The following AGL variants were observed in gnomAD, a reference collection of about 807,000 sequenced individuals.
The protein encoded by AGL is amylo-alpha-1,6-glucosidase and 4-alpha-glucanotransferase.
In AGL, 128 loss-of-function variants were observed where a neutral mutation model predicts 199.3. That is an observed-to-expected ratio of 0.64 (90% CI 0.56 to 0.74). The LOEUF is 0.74. Ranked by LOEUF, AGL falls within the 30% of genes least tolerant of loss-of-function variation. AGL has a pLI of 0.00. For synonymous variants in AGL, 584 were observed against 594.7 expected (o/e 0.98, Z 0.26); for missense variants, 1,809 against 1,820.8 (o/e 0.99, Z 0.12).
At chr1:99,903,185 G>A (rs551516146) in intron 27 of AGL, among the ~76,000 whole-genome samples, 2 of 152,078 alleles carry the variant, frequency 1.3e-5, no homozygotes, top group Admixed American at 1.3e-4. Flanking sequence ...GGTGCACAAC[G>A]TGCAGGTTTG....
At chr1:99,903,278 C>G (rs1022986058) in intron 27 of AGL, among the ~76,000 whole-genome samples, 33 of 152,144 alleles carry the variant, frequency 2.2e-4, no homozygotes, top group African/African-American at 7.2e-4. Flanking sequence ...AATGCTATCC[C>G]TCCCCCATCC....
At chr1:99,862,899 T>A (rs755929289) in intron 4 of AGL, among the ~76,000 whole-genome samples, 8 of 152,122 alleles carry the variant, frequency 5.3e-5, no homozygotes, top group African/African-American at 1.9e-4. Flanking sequence ...ATGTTTAATT[T>A]TGTTTCTTAT....
chr1:99,906,457 T>G (rs989248428), intron 27 of AGL, among the ~76,000 whole-genome samples: 9 of 152,198 alleles, frequency 5.9e-5, no homozygotes, highest in African/African-American at 1.9e-4. Context: ...ATATTAACAT[T>G]GTTGTGGAAC....
intron 7 of AGL, among the ~76,000 whole-genome samples, chr1:99,874,153 C>T (rs632699): frequency 0.76 from 115,197 of 151,832 alleles, 44,417 homozygotes; most frequent in African/African-American, 0.91. Flanking sequence ...AATAAGACTT[C>T]AGGAAGCAAA....
Position 99,862,307 on chromosome 1 carries a change from T to A in AGL, c.344T>A (p.Val115Asp). The A allele has an allele frequency of 6.2e-7, 1 of 1,614,100 alleles. No individual in the cohort carries two copies. The highest frequency in any genetic ancestry group is 8.5e-7 in the Non-Finnish European group (1 of 1,179,996). ...ATAGTTGTGGACCCCATTTTACGTG[T>A]TGGTGCTGATAATCATGTGCTACCC... ...GYIVVDPILRVGADNHVLPLD... is the reference protein window; with the variant it reads ...GYIVVDPILRDGADNHVLPLD... The change falls in exon 4 of 34, where the codon GTT (valine) becomes GAT (aspartate). Residue 115 changes from valine to aspartate, a missense_variant. Physicochemically the swap from Val to Asp is radical, Grantham distance 152. Coordinates refer to ENST00000361915, the MANE Select transcript of AGL (RefSeq NM_000642.3).
Position 99,917,907 on chromosome 1 carries a change from A to G in AGL, c.4481+1176A>G, listed in dbSNP as rs560445363. ...CACTACATGGTTACTACATTTGTTT[A>G]GGCAGTCAGTTATGTTTTAATGATC... On this transcript the variant is annotated intron_variant, in intron 33 of 33. Coordinates refer to ENST00000361915, the MANE Select transcript of AGL (RefSeq NM_000642.3). Among the ~76,000 whole-genome samples the G allele has an allele frequency of 3.3e-5, 5 of 152,266 alleles. No homozygotes were observed. In the South Asian group the frequency reaches 1.0e-3, roughly 32 times the overall value.
In AGL at chr1:99,902,767, CAGAT is replaced by C; in HGVS notation, c.3678_3681del (p.Asp1227GlufsTer3). 1 of 1,613,254 alleles carries C rather than the reference CAGAT, an allele frequency of 6.2e-7. No homozygotes were observed. Among genetic ancestry groups the C allele is most frequent in the South Asian group, 1.1e-5 (1 of 91,054 alleles). ...GTTCCGAGAAAGGAATGCTGGTCCC[CAGAT>C]AGATCGAAACATGAAGGACGAAGGT... On this transcript the variant is annotated frameshift_variant, in exon 27 of 34. Coordinates refer to ENST00000361915, the MANE Select transcript of AGL (RefSeq NM_000642.3). LOFTEE classifies it high-confidence loss of function.
At position 99,881,533 on chromosome 1, in the gene AGL, C is replaced by G. The variant is rs1570445543; in HGVS notation, c.2158-8C>G. 6.2e-6 allele frequency: 10 copies of G among 1,613,908 alleles called. No homozygotes were observed. The highest frequency in any genetic ancestry group is 8.5e-6 in the Non-Finnish European group (10 of 1,179,938). On this transcript the variant is annotated splice_polypyrimidine_tract_variant and splice_region_variant and intron_variant, in intron 16 of 33. Transcript: ENST00000361915. ...AGAGCTAATCTAGTTGTTCTTTCTG[C>G]TTCTCAGGTGTATGTGGATCAAGTT...
At chr1:99,880,945 C>G in intron 14 of AGL, 131 bp from the exon 15 acceptor site, 1 of 1,272,562 alleles carries the variant, frequency 7.9e-7, no homozygotes, top group South Asian at 1.2e-5. Context: ...GAATGTTTTA[C>G]TTGTTTAAAA....
At chr1:99,897,433 G>A (rs574029619) in intron 25 of AGL, among the ~76,000 whole-genome samples, 2 of 152,284 alleles carry the variant, frequency 1.3e-5, no homozygotes, top group East Asian at 1.9e-4. Flanking sequence ...GCATTTATAC[G>A]ATACCTTGTT....
At position 99,877,795 on chromosome 1, in the gene AGL, T is replaced by C. The variant is rs1651675204; in HGVS notation, c.1578T>C (p.Asp526=). The change falls in exon 12 of 34, where the codon GAT becomes GAC. Residue 526 remains aspartate, a synonymous_variant. Coordinates refer to ENST00000361915, the MANE Select transcript of AGL (RefSeq NM_000642.3). ...CTTATTTCCAGGGAGTACGTCTTGA[T>C]AACTGCCACTCAACACCTCTTCACG... The part of the protein sequence containing the change: ...TATYFQGVRL[D]NCHSTPLHVA... 1 of 1,613,980 alleles carries C rather than the reference T, an allele frequency of 6.2e-7. No individual in the cohort carries two copies. The highest frequency in any genetic ancestry group is 1.3e-5 in the African/African-American group (1 of 74,936).
chr1:99,884,324 G>A lies in AGL; in HGVS notation c.2434-15G>A, dbSNP rs1652280455. ...TATTTGTTGAATGGATTTTTTTAAT[G>A]TACTTTTTTTCAAGCTTAATGAAAG... On this transcript the variant is annotated splice_polypyrimidine_tract_variant and intron_variant, in intron 18 of 33. Transcript: ENST00000361915. 1.9e-6 allele frequency: 3 copies of A among 1,608,402 alleles called. No homozygotes were observed. The highest frequency in any genetic ancestry group is 2.6e-6 in the Non-Finnish European group (3 of 1,176,126).
intron 25 of AGL, among the ~76,000 whole-genome samples, chr1:99,898,540 C>T (rs1370857321): frequency 6.6e-6 from 1 of 152,082 alleles, no homozygotes; most frequent in Admixed American, 6.5e-5. Context: ...TAGGGTAGTG[C>T]TAGCTGCCAT....
intron 20 of AGL, among the ~76,000 whole-genome samples, chr1:99,884,968 A>G (rs1426031566): frequency 2.0e-5 from 3 of 152,224 alleles, no homozygotes; most frequent in Non-Finnish European, 4.4e-5. Flanking sequence ...CTGTATACAC[A>G]CACACACAAT....
intron 24 of AGL, 107 bp downstream of exon 24, chr1:99,892,714 T>G: frequency 9.0e-7 from 1 of 1,106,672 alleles, no homozygotes; most frequent in Non-Finnish European, 1.3e-6. Flanking sequence ...TACTCAAGAT[T>G]TTATTTTACC....
At chr1:99,880,533 A>G in intron 13 of AGL, 99 bp from the exon 14 acceptor site, 1 of 1,317,694 alleles carries the variant, frequency 7.6e-7, no homozygotes, top group Non-Finnish European at 1.1e-6. Flanking sequence ...TATAATATTG[A>G]TGTGGTCTTT....
chr1:99,858,200 T>G (rs914222595), intron 2 of AGL, among the ~76,000 whole-genome samples: 1 of 152,124 alleles, frequency 6.6e-6, no homozygotes, highest in African/African-American at 2.4e-5. Context: ...CTCACAGGAG[T>G]GATCGAACTT....
chr1:99,858,664 A>G lies in AGL; in HGVS notation c.83-2839A>G, dbSNP rs1649777121. ...TTATATGATTTTACCCAAAATAAGT[A>G]GAACTTGAAATCTTTGAATCACTTT... is the stretch of plus-strand genomic sequence containing the variant. On this transcript the variant is annotated intron_variant, in intron 2 of 33. Transcript: ENST00000361915. Among the ~76,000 whole-genome samples, 4 of 152,238 alleles carry G rather than the reference A, an allele frequency of 2.6e-5. No homozygotes were observed. In the South Asian group the frequency reaches 8.3e-4, roughly 31 times the overall value.
At position 99,910,859 on chromosome 1, in the gene AGL, G is replaced by C; in HGVS notation, c.3836+12G>C. Reference sequence around the variant, plus strand: ...CCAGCCACACCAAGGTAGTGTAAATGTTATAATGCTGTGTAATTATACCCT... The same window carrying C: ...CCAGCCACACCAAGGTAGTGTAAATCTTATAATGCTGTGTAATTATACCCT... On this transcript the variant is annotated intron_variant, in intron 28 of 33. Transcript: ENST00000361915. 1 of 1,610,398 alleles carries C rather than the reference G, an allele frequency of 6.2e-7. No individual in the cohort carries two copies. The highest frequency in any genetic ancestry group is 8.5e-7 in the Non-Finnish European group (1 of 1,177,590).
Sources: allele counts gnomAD v4.1 joint callset (sites outside exome capture counted in the v4.1 genomes callset), GRCh38; gene constraint gnomAD v4.1.1; transcripts MANE v1.5; gene names NCBI Gene and HGNC (gene_info 2026-07-23, HGNC 2026-07-21).